The following MMP26 variants were observed in gnomAD, a reference collection of about 807,000 sequenced individuals.
MMP26 encodes the protein matrix metallopeptidase 26, also known as matrix metalloproteinase-26.
MMP26 carries 33 observed loss-of-function variants against 31.0 expected under a neutral mutation model. The ratio of observed to expected loss-of-function variants is 1.06; its 90% confidence interval spans 0.81 to 1.42. MMP26 has a LOEUF of 1.42. MMP26 is among the 40% of genes most tolerant of loss of function. The pLI, the probability that MMP26 is intolerant of heterozygous loss-of-function variation, is 0.00. For missense variants in MMP26, 347 were observed against 316.1 expected, an observed-to-expected ratio of 1.10 and a Z score of -0.74; for synonymous variants, 122 against 114.9, an observed-to-expected ratio of 1.06 and a Z score of -0.40.
intron 2 of MMP26, among the ~76,000 whole-genome samples, chr11:4,770,550 A>G (rs1294190100): frequency 6.6e-6 from 1 of 152,190 alleles, no homozygotes; most frequent in Non-Finnish European, 1.5e-5. Flanking sequence ...TATGGGGACT[A>G]TGAAAACCAA....
chr11:4,925,548 G>C (rs974756009), intron 2 of MMP26, among the ~76,000 whole-genome samples: 2 of 152,118 alleles, frequency 1.3e-5, no homozygotes, highest in Non-Finnish European at 2.9e-5. Flanking sequence ...TGGTGTGACT[G>C]AGGGCTTGAG....
At chr11:4,987,464 G>A (rs926907371) in intron 2 of MMP26, among the ~76,000 whole-genome samples, 2 of 151,490 alleles carry the variant, frequency 1.3e-5, no homozygotes, top group Non-Finnish European at 2.9e-5. Context: ...TGTCGCCCAG[G>A]CTGGAGTGCA....
chr11:4,714,125 T>A (rs11033495), intron 1 of MMP26, among the ~76,000 whole-genome samples: 19,155 of 152,232 alleles, frequency 0.13, 1,631 homozygotes, highest in Middle Eastern at 0.21. Context: ...CACATCCTTA[T>A]ACTTTGTAAG....
intron 2 of MMP26, among the ~76,000 whole-genome samples, chr11:4,980,795 T>C (rs1184342867): frequency 6.6e-6 from 1 of 152,098 alleles, no homozygotes; most frequent in African/African-American, 2.4e-5. Context: ...TTTGTGGACA[T>C]TAATATCCTC....
rs79632530 is a variant in MMP26 at position 4,719,902 on chromosome 11, T to C, written c.-217+14857T>C. ...AAAAAGAGAAAGTGTCTACTTATTA[T>C]TTAAACTTCTCCCTTAAAGAGATAA... On this transcript the variant is annotated intron_variant, in intron 1 of 7. Transcript: ENST00000380390. Among the ~76,000 whole-genome samples, 1,288 of 152,352 alleles carry C rather than the reference T, an allele frequency of 8.5e-3. 13 individuals carry two copies. The highest frequency in any genetic ancestry group is 0.03 in the African/African-American group (1,242 of 41,588).
At chr11:4,973,435 A>C (rs2133633688) in intron 2 of MMP26, 1 of 152,516 alleles carries the variant, frequency 6.6e-6, no homozygotes, top group South Asian at 2.1e-4. Context: ...TTTTGAGAGA[A>C]AAAGCAAGCC....
intron 2 of MMP26, among the ~76,000 whole-genome samples, chr11:4,906,268 A>G (rs1850886650): frequency 6.6e-6 from 1 of 152,226 alleles, no homozygotes. Context: ...TGTGTAATCA[A>G]TGCTAATATT....
At chr11:4,813,931 T>C (rs1257133237) in intron 2 of MMP26, among the ~76,000 whole-genome samples, 1 of 151,898 alleles carries the variant, frequency 6.6e-6, no homozygotes, top group Non-Finnish European at 1.5e-5. Flanking sequence ...CCGTAATCCA[T>C]AAAAAGGAAA....
chr11:4,911,490 CCTCT>C (rs1399480661), intron 2 of MMP26, among the ~76,000 whole-genome samples: 1 of 152,026 alleles, frequency 6.6e-6, no homozygotes. Flanking sequence ...TAAATGTCAG[CCTCT>C]CTCTCAACCA....
At chr11:4,978,238 C>CT (rs1846766169) in intron 2 of MMP26, among the ~76,000 whole-genome samples, 1 of 152,074 alleles carries the variant, frequency 6.6e-6, no homozygotes, top group Non-Finnish European at 1.5e-5. Flanking sequence ...CCAGGTATCT[C>CT]TTTACAGTAG....
chr11:4,792,186 CAA>C (rs35035436), intron 2 of MMP26, among the ~76,000 whole-genome samples: 3,773 of 137,838 alleles, frequency 0.027, 78 homozygotes, highest in Admixed American at 0.041. Flanking sequence ...GTGTTTGACT[CAA>C]AAAAAAAAAA....
intron 1 of MMP26, among the ~76,000 whole-genome samples, chr11:4,732,755 T>C (rs866664104): frequency 4.6e-5 from 7 of 152,246 alleles, no homozygotes; most frequent in African/African-American, 1.4e-4. Flanking sequence ...TTTGGTGCAC[T>C]GTTTTCAAGG....
chr11:4,748,130 A>C (rs567041035), intron 1 of MMP26, among the ~76,000 whole-genome samples: 1 of 152,254 alleles, frequency 6.6e-6, no homozygotes, highest in South Asian at 2.1e-4. Flanking sequence ...AATTGATATC[A>C]TAGAAATACA....
intron 2 of MMP26, chr11:4,859,750 G>A (rs1161679180): frequency 2.1e-6 from 1 of 471,254 alleles, no homozygotes; most frequent in South Asian, 1.5e-5. Flanking sequence ...CACTACTGGT[G>A]ATAAATGCTC....
At chr11:4,844,454 A>G (rs1449770427) in intron 2 of MMP26, among the ~76,000 whole-genome samples, 2 of 152,190 alleles carry the variant, frequency 1.3e-5, no homozygotes, top group Non-Finnish European at 2.9e-5. Flanking sequence ...CCAAAGACTC[A>G]TCAAAAAAAG....
intron 1 of MMP26, chr11:4,718,981 C>T (rs553020812): frequency 1.9e-4 from 34 of 183,762 alleles, no homozygotes; most frequent in Non-Finnish European, 2.7e-4. Flanking sequence ...GGCTTTTGAT[C>T]GTTTTGTGGC....
intron 2 of MMP26, among the ~76,000 whole-genome samples, chr11:4,788,486 A>G (rs34605374): frequency 0.095 from 14,432 of 152,132 alleles, 861 homozygotes; most frequent in Middle Eastern, 0.15. Context: ...TACCAGTAAT[A>G]GCATTGCTTC....
intron 1 of MMP26, among the ~76,000 whole-genome samples, chr11:4,764,874 T>TCA (rs149703459): frequency 0.17 from 25,286 of 151,268 alleles, 2,304 homozygotes; most frequent in Middle Eastern, 0.29. Flanking sequence ...CGAGACTCCA[T>TCA]CACAGACACA....
chr11:4,882,715 G>C, intron 2 of MMP26: 1 of 1,613,820 alleles, frequency 6.2e-7, no homozygotes, highest in African/African-American at 1.3e-5. Context: ...CCACCCCAAG[G>C]GTGCTCTGTA....
Sources: gnomAD v4.1 joint callset for allele counts (sites outside exome capture counted in the v4.1 genomes callset) on GRCh38, gnomAD v4.1.1 for gene constraint, MANE v1.5 for transcripts, NCBI Gene and HGNC (gene_info 2026-07-23, HGNC 2026-07-21) for gene names.